IRS1: variants seen among roughly 807,000 people sequenced by gnomAD.
IRS1 encodes the protein insulin receptor substrate 1.
IRS1 carries 34 observed loss-of-function variants against 65.6 expected under a neutral mutation model. That is an observed-to-expected ratio of 0.52 (90% CI 0.39 to 0.69). The LOEUF is 0.69. Ranked by LOEUF, IRS1 falls within the 30% of genes least tolerant of loss-of-function variation. The probability of loss-of-function intolerance (pLI) is 0.00; values close to 1 mark genes in which losing one functional copy is unlikely to be tolerated. For missense variants in IRS1, 1,641 were observed against 1,720.2 expected (o/e 0.95, Z 0.81); for synonymous variants, 699 against 683.5 (o/e 1.02, Z -0.35).
intron 1 of IRS1, among the ~76,000 whole-genome samples, chr2:226,759,107 G>A (rs1938863736): frequency 6.6e-6 from 1 of 152,194 alleles, no homozygotes; most frequent in South Asian, 2.1e-4. Flanking sequence ...CGGGGCTGGT[G>A]CAAGGGATTA....
intron 1 of IRS1, among the ~76,000 whole-genome samples, chr2:226,790,580 A>T (rs9282765): frequency 6.6e-6 from 1 of 152,202 alleles, no homozygotes; most frequent in African/African-American, 2.4e-5. Flanking sequence ...GTTTTGGGTC[A>T]TAACATTTGC....
intron 1 of IRS1, among the ~76,000 whole-genome samples, chr2:226,777,783 T>A (rs934777160): frequency 6.6e-6 from 1 of 152,168 alleles, no homozygotes; most frequent in Non-Finnish European, 1.5e-5. Context: ...TCCGCCATGA[T>A]TGTGAGGCCT....
intron 1 of IRS1, among the ~76,000 whole-genome samples, chr2:226,783,488 G>A (rs1202234079): frequency 3.9e-5 from 6 of 152,072 alleles, no homozygotes; most frequent in Admixed American, 6.5e-5. Flanking sequence ...AGGGACACAC[G>A]TATTTCAGTC....
In IRS1 at chr2:226,778,570, G is replaced by A. The variant is rs572282881; in HGVS notation, c.*21+16419C>T. 1.0e-3 allele frequency among the ~76,000 whole-genome samples: 152 copies of A among 152,154 alleles called. 1 individual carries two copies. Among genetic ancestry groups the A allele is most frequent in the Non-Finnish European group, 1.0e-3 (69 of 68,006 alleles). Reference sequence around the variant, plus strand: ...AAAAAAAAACTTTTGGAAAAGAAAGGTTAGAGTATATACATTACCACTTTT... The same window carrying A: ...AAAAAAAAACTTTTGGAAAAGAAAGATTAGAGTATATACATTACCACTTTT... On this transcript the variant is annotated intron_variant, in intron 1 of 1. Coordinates refer to ENST00000305123, the MANE Select transcript of IRS1 (RefSeq NM_005544.3).
At chr2:226,757,361 T>C (rs1938825037) in intron 1 of IRS1, among the ~76,000 whole-genome samples, 1 of 152,140 alleles carries the variant, frequency 6.6e-6, no homozygotes, top group South Asian at 2.1e-4. Context: ...ACAACTGTGA[T>C]CTTGGCACTT....
chr2:226,798,437 G>C lies in IRS1; in HGVS notation c.302C>G (p.Ala101Gly). The C allele has an allele frequency of 6.2e-7, 1 of 1,614,108 alleles. No homozygotes were observed. The highest frequency in any genetic ancestry group is 1.1e-5 in the South Asian group (1 of 91,086). ...EHFAIAADSE[A>G]EQDSWYQALL... ...AGCCTGGTACCAGCTGTCTTGCTCG[G>C]CCTCGCTGTCCGCCGCGATGGCAAA... The change falls in exon 1 of 2, where the codon GCC becomes GGC. Residue 101 changes from alanine to glycine, a missense_variant. Ala to Gly is a moderately conservative substitution (Grantham distance 60). Transcript: ENST00000305123. This position sits in a 1 kb window ranked among gnomAD's most constrained non-coding sequence, Gnocchi z 9.4.
chr2:226,797,921 G>A lies in IRS1; in HGVS notation c.818C>T (p.Ser273Leu), dbSNP rs755496379. Residue 273 changes from serine (S) to leucine (L), a missense_variant, in exon 1 of 2, where the codon TCG (serine) becomes TTG (leucine). Ser to Leu is a moderately radical substitution (Grantham distance 145). Transcript: ENST00000305123. This position sits in a 1 kb window ranked among gnomAD's most constrained non-coding sequence, Gnocchi z 8.1. ...EFRPRSKSQS[S>L]SNCSNPISVP... ...GCTGATGGGGTTAGAGCAGTTGGAC[G>A]AGGACTGGCTCTTGCTGCGAGGGCG... 1.2e-5 allele frequency: 19 copies of A among 1,613,894 alleles called. No individual in the cohort carries two copies. Among genetic ancestry groups the A allele is most frequent in the Admixed American group, 1.2e-4 (7 of 60,000 alleles).
chr2:226,784,732 A>C (rs1939456043), intron 1 of IRS1, among the ~76,000 whole-genome samples: 1 of 152,106 alleles, frequency 6.6e-6, no homozygotes, highest in Non-Finnish European at 1.5e-5. Context: ...CTCTAATTCA[A>C]ATGTTATCTG....
Position 226,786,321 on chromosome 2 carries a change from G to C in IRS1, c.*21+8668C>G, listed in dbSNP as rs184566310. 4.1e-4 allele frequency among the ~76,000 whole-genome samples: 62 copies of C among 152,202 alleles called. 1 individual carries two copies. Among genetic ancestry groups the C allele is most frequent in the Admixed American group, 2.9e-3 (44 of 15,292 alleles). On this transcript the variant is annotated intron_variant, in intron 1 of 1. Transcript: ENST00000305123. ...TAGAAACTTTGTGAACCTGAGGATTGAAAAGAGACGTGGAAAGTAGTGTGT... is the reference window on the plus strand; with the variant it reads ...TAGAAACTTTGTGAACCTGAGGATTCAAAAGAGACGTGGAAAGTAGTGTGT...
rs115556521 is a variant in IRS1, at chr2:226,745,008, T to A, written c.*22-8758A>T. 1.2e-3 allele frequency among the ~76,000 whole-genome samples: 182 copies of A among 152,318 alleles called. 2 individuals carry two copies. The highest frequency in any genetic ancestry group is 2.2e-3 in the Non-Finnish European group (148 of 68,028). On this transcript the variant is annotated intron_variant, in intron 1 of 1. Transcript: ENST00000305123. ...CTCTCTGAAACCAGCTGAAACTGAT[T>A]ATAATACAAGTATATGGCAGCATAT...
chr2:226,737,930 A>T (rs893993067), intron 1 of IRS1, among the ~76,000 whole-genome samples: 1 of 152,244 alleles, frequency 6.6e-6, no homozygotes, highest in Non-Finnish European at 1.5e-5. Flanking sequence ...CATTGAGAAC[A>T]TATGACAAGG....
In IRS1 at chr2:226,797,494, C is replaced by T. The variant is rs759117890; in HGVS notation, c.1245G>A (p.Ser415=). Residue 415 remains serine (S), a synonymous_variant, in exon 1 of 2, where the codon TCG becomes TCA. Transcript: ENST00000305123. The surrounding 1 kb of genome is among the most constrained non-coding windows in gnomAD (Gnocchi z 8.1). ...DCLFPRRSSA[S]VSGSPSDGGF... ...CGCCATCGCTGGGGGAACCAGACAC[C>T]GAAGCACTAGATCGCCGTGGGAAGA... 15 of 1,613,402 alleles carry T rather than the reference C, an allele frequency of 9.3e-6. No homozygotes were observed. Among genetic ancestry groups the T allele is most frequent in the African/African-American group, 1.3e-5 (1 of 74,936 alleles).
At position 226,795,049 on chromosome 2, in the gene IRS1, G is replaced by A. The variant is rs769904403; in HGVS notation, c.3690C>T (p.Ala1230=). 1 of 1,612,954 alleles carries A rather than the reference G, an allele frequency of 6.2e-7. No homozygotes were observed. Among genetic ancestry groups the A allele is most frequent in the Non-Finnish European group, 8.5e-7 (1 of 1,179,886 alleles). The stretch of plus-strand genomic sequence containing the variant: ...CTGGCTGCTTCTGGAAACTGATGCT[G>A]GCATAGGCGCTTAAATCCTCACTTG... ...RRSSEDLSAY[A]SISFQKQPED... Residue 1230 remains alanine (A), a synonymous_variant, in exon 1 of 2, where the codon GCC becomes GCT. Coordinates refer to ENST00000305123, the MANE Select transcript of IRS1 (RefSeq NM_005544.3).
At chr2:226,767,740 C>T (rs1019664281) in intron 1 of IRS1, among the ~76,000 whole-genome samples, 8 of 152,166 alleles carry the variant, frequency 5.3e-5, no homozygotes, top group African/African-American at 1.2e-4. Flanking sequence ...AAATAAGCCT[C>T]GGTGATGCTG....
At position 226,798,149 on chromosome 2, in the gene IRS1, AGCTTCACGAAGCTGATG is replaced by A; in HGVS notation, c.573_589del (p.Ile192GlufsTer45). On this transcript the variant is annotated frameshift_variant, in exon 1 of 2. Coordinates refer to ENST00000305123, the MANE Select transcript of IRS1 (RefSeq NM_005544.3). LOFTEE classifies it high-confidence loss of function. This position sits in a 1 kb window ranked among gnomAD's most constrained non-coding sequence, Gnocchi z 9.4. Reference sequence around the variant, plus strand: ...CACCACGGCCGCTGCCTCCGAGTTCAGCTTCACGAAGCTGATGGTCTTGCTGGTCAGGCAAAGGCGGT... The same window carrying A: ...CACCACGGCCGCTGCCTCCGAGTTCAGTCTTGCTGGTCAGGCAAAGGCGGT... The A allele has an allele frequency of 6.2e-7, 1 of 1,614,036 alleles. No individual in the cohort carries two copies. The highest frequency in any genetic ancestry group is 8.5e-7 in the Non-Finnish European group (1 of 1,180,030).
At chr2:226,768,886 C>T (rs564766181) in intron 1 of IRS1, among the ~76,000 whole-genome samples, 3 of 152,270 alleles carry the variant, frequency 2.0e-5, no homozygotes, top group East Asian at 3.9e-4. Context: ...CTGCCTGCCT[C>T]GGCCTCCCAA....
chr2:226,768,166 G>T (rs910927022), intron 1 of IRS1, among the ~76,000 whole-genome samples: 1 of 152,124 alleles, frequency 6.6e-6, no homozygotes, highest in Non-Finnish European at 1.5e-5. Flanking sequence ...ACTTCACTCA[G>T]ATGTTTGCTC....
At chr2:226,782,290 G>C (rs538139322) in intron 1 of IRS1, among the ~76,000 whole-genome samples, 1 of 152,070 alleles carries the variant, frequency 6.6e-6, no homozygotes, top group Non-Finnish European at 1.5e-5. Flanking sequence ...GAACATTTAC[G>C]GTATTTGAGA....
rs781090877 is a variant in IRS1 at position 226,795,858 on chromosome 2, C to G, written c.2881G>C (p.Glu961Gln). The change falls in exon 1 of 2, where the codon GAG becomes CAG. Residue 961 changes from glutamate (E) to glutamine (Q), a missense_variant. Glu to Gln is a conservative substitution (Grantham distance 29). Around this residue, in one of 3 missense-constraint regions of IRS1, gnomAD observed 1,324 missense variants for 1,361.0 expected, o/e 0.97. Coordinates refer to ENST00000305123, the MANE Select transcript of IRS1 (RefSeq NM_005544.3). ...GGTGCAGGGCCCAGTCTGCCCATCT[C>G]GACCCCAGTGCTCTCCTGCCAGGCT... The part of the protein sequence containing the change: ...RAAWQESTGV[E>Q]MGRLGPAPPG... The G allele has an allele frequency of 1.2e-6, 2 of 1,613,574 alleles. No individual in the cohort carries two copies. The highest frequency in any genetic ancestry group is 1.7e-6 in the Non-Finnish European group (2 of 1,179,970).
Sources: gnomAD v4.1 joint callset for allele counts (sites outside exome capture counted in the v4.1 genomes callset) on GRCh38, gnomAD v4.1.1 for gene constraint, gnomAD v4.1.1 regional missense constraint, Gnocchi (gnomAD v3.1) non-coding constraint, MANE v1.5 for transcripts, NCBI Gene and HGNC (gene_info 2026-07-23, HGNC 2026-07-21) for gene names.